OR56A1: variants seen among roughly 807,000 people sequenced by gnomAD.
OR56A1 encodes olfactory receptor family 56 subfamily A member 1, also known as olfactory receptor 56A1.
For missense variants in OR56A1, 360 were observed against 380.9 expected (o/e 0.94, Z 0.46); for synonymous variants, 174 against 159.1 (o/e 1.09, Z -0.70).
chr11:6,034,273 C>A (rs568427693), upstream of OR56A1: 2 of 152,392 alleles, frequency 1.3e-5, no homozygotes, highest in African/African-American at 4.8e-5. Context: ...TCCCTTGGCC[C>A]TGGGACTTAC....
rs1848434982 is a variant in OR56A1 at position 6,025,196 on chromosome 11, T to C, written c.*1552A>G. 1 of 152,178 alleles carries C rather than the reference T, an allele frequency of 6.6e-6. No homozygotes were observed. Among genetic ancestry groups the C allele is most frequent in the Non-Finnish European group, 1.5e-5 (1 of 68,056 alleles). 9.4% of individuals were successfully genotyped at this position (152,178 alleles called of 1,614,324 possible). Reference sequence around the variant, plus strand: ...AGGAACAGTGCACTGCAGGGTGATGTTATAGGTGCTCCTCAGTAGTCACAA... The same window carrying C: ...AGGAACAGTGCACTGCAGGGTGATGCTATAGGTGCTCCTCAGTAGTCACAA... On this transcript the variant is annotated 3_prime_UTR_variant, in exon 2 of 2. Transcript: ENST00000641900.
At position 6,023,359 on chromosome 11, in the gene OR56A1, A is replaced by T. The variant is rs1157718356; in HGVS notation, c.*3389T>A. On this transcript the variant is annotated 3_prime_UTR_variant, in exon 2 of 2. Coordinates refer to ENST00000641900, the MANE Select transcript of OR56A1 (RefSeq NM_001388488.1). ...CTAAAAAGCTTTCTGTGATAAATGG[A>T]AAGTGTAGTATTGTTCCCTCAACAA... 1.3e-5 allele frequency: 2 copies of T among 152,190 alleles called. No individual in the cohort carries two copies. The highest frequency in any genetic ancestry group is 4.8e-5 in the African/African-American group (2 of 41,456). The allele number at this position is 152,190 out of a possible 1,614,324, so 9.4% of individuals were successfully genotyped here.
chr11:6,019,756 C>T lies in OR56A1; in HGVS notation c.*6992G>A, dbSNP rs2133592666. On this transcript the variant is annotated 3_prime_UTR_variant, in exon 2 of 2. Transcript: ENST00000641900. Reference sequence around the variant, plus strand: ...ATAACTAAGATACTAAACCTGACTTCTAAACTTAAAATTCAAGTTCTCATT... The same window carrying T: ...ATAACTAAGATACTAAACCTGACTTTTAAACTTAAAATTCAAGTTCTCATT... 6.6e-6 allele frequency: 1 copy of T among 152,216 alleles called. No individual in the cohort carries two copies. Among genetic ancestry groups the T allele is most frequent in the South Asian group, 2.1e-4 (1 of 4,808 alleles). 9.4% of individuals were successfully genotyped at this position (152,216 alleles called of 1,614,324 possible).
chr11:6,030,415 A>T (rs4758372), intron 1 of OR56A1, among the ~76,000 whole-genome samples: 149,839 of 152,144 alleles, frequency 0.98, 73,819 homozygotes, highest in East Asian at 1. Flanking sequence ...TCACTATATA[A>T]ACAGGGTATA....
chr11:6,033,562 A>T (rs1041296409), upstream of OR56A1, among the ~76,000 whole-genome samples: 1 of 151,614 alleles, frequency 6.6e-6, no homozygotes, highest in Non-Finnish European at 1.5e-5. Context: ...AATACAGGGC[A>T]CTATGCATTA....
In OR56A1 at chr11:6,025,843, T is replaced by C. The variant is rs1046414306; in HGVS notation, c.*905A>G. ...CTCCAATACCCACTTAAACAATTGTTTACATTAAATTATCTGTAAATAACC... is the reference window on the plus strand; with the variant it reads ...CTCCAATACCCACTTAAACAATTGTCTACATTAAATTATCTGTAAATAACC... On this transcript the variant is annotated 3_prime_UTR_variant, in exon 2 of 2. Transcript: ENST00000641900. The C allele has an allele frequency of 6.6e-6, 1 of 152,232 alleles. No individual in the cohort carries two copies. Among genetic ancestry groups the C allele is most frequent in the Non-Finnish European group, 1.5e-5 (1 of 68,048 alleles). 9.4% of individuals were successfully genotyped at this position (152,232 alleles called of 1,614,324 possible). A position where few individuals can be genotyped will look rare whatever the true frequency, so the allele number is the denominator to read the frequency against.
In OR56A1 at chr11:6,026,503, G is replaced by T; in HGVS notation, c.*245C>A. ...GTAACAATGCCTGCAGAGATGTGTT[G>T]AAGATTAAATTACTTAAATGTAACT... On this transcript the variant is annotated 3_prime_UTR_variant, in exon 2 of 2. Transcript: ENST00000641900. 1 of 459,454 alleles carries T rather than the reference G, an allele frequency of 2.2e-6. No homozygotes were observed. Among genetic ancestry groups the T allele is most frequent in the Non-Finnish European group, 3.8e-6 (1 of 260,450 alleles). 28.5% of individuals were successfully genotyped at this position (459,454 alleles called of 1,614,324 possible). A position where few individuals can be genotyped will look rare whatever the true frequency, so the allele number is the denominator to read the frequency against.
At position 6,024,958 on chromosome 11, in the gene OR56A1, G is replaced by A. The variant is rs1397631073; in HGVS notation, c.*1790C>T. The stretch of plus-strand genomic sequence containing the variant: ...ATAATTTTTCTTTCCTACTGTTGTT[G>A]AGTGACTGGAAGAAACTCTCCTCCT... On this transcript the variant is annotated 3_prime_UTR_variant, in exon 2 of 2. Transcript: ENST00000641900. 1 of 152,082 alleles carries A rather than the reference G, an allele frequency of 6.6e-6. No homozygotes were observed. The highest frequency in any genetic ancestry group is 2.4e-5 in the African/African-American group (1 of 41,394). 9.4% of individuals were successfully genotyped at this position (152,082 alleles called of 1,614,324 possible).
Position 6,020,398 on chromosome 11 carries a change from G to A in OR56A1, c.*6350C>T, listed in dbSNP as rs1848383375. On this transcript the variant is annotated 3_prime_UTR_variant, in exon 2 of 2. Transcript: ENST00000641900. ...CATTGAATCTGTAAATTGCTTTTGG[G>A]CAGTGTAGTGATTTTAATGGTACTG... The A allele has an allele frequency of 6.6e-6, 1 of 152,146 alleles. No homozygotes were observed. Among genetic ancestry groups the A allele is most frequent in the East Asian group, 1.9e-4 (1 of 5,184 alleles). The allele number at this position is 152,146 out of a possible 1,614,324, so 9.4% of individuals were successfully genotyped here.
rs949938438 is a variant in OR56A1, at chr11:6,030,384, T to C, written c.-35+318A>G. On this transcript the variant is annotated intron_variant, in intron 1 of 1. Transcript: ENST00000641900. ...CATAAGTTCATGAGGGAAGAAACCATGTGTGGTTTTTCTTTTATCATCACT... is the reference window on the plus strand; with the variant it reads ...CATAAGTTCATGAGGGAAGAAACCACGTGTGGTTTTTCTTTTATCATCACT... 1.4e-4 allele frequency among the ~76,000 whole-genome samples: 16 copies of C among 115,228 alleles called. No homozygotes were observed. In the East Asian group the frequency reaches 2.7e-3, roughly 20 times the overall value. The allele number at this position is 115,228 out of a possible 152,430, so 75.6% of individuals were successfully genotyped here.
rs1028282740 is a variant in OR56A1, at chr11:6,022,553, A to G, written c.*4195T>C. 1.3e-5 allele frequency: 2 copies of G among 152,186 alleles called. No homozygotes were observed. The highest frequency in any genetic ancestry group is 4.8e-5 in the African/African-American group (2 of 41,440). The allele number at this position is 152,186 out of a possible 1,614,324, so 9.4% of individuals were successfully genotyped here. Reference sequence around the variant, plus strand: ...GTATGAAAAACTTAGGAAACTACAAAGCTATCCAGTGAAAGATTAAAAATA... The same window carrying G: ...GTATGAAAAACTTAGGAAACTACAAGGCTATCCAGTGAAAGATTAAAAATA... On this transcript the variant is annotated 3_prime_UTR_variant, in exon 2 of 2. Coordinates refer to ENST00000641900, the MANE Select transcript of OR56A1 (RefSeq NM_001388488.1).
Position 6,027,544 on chromosome 11 carries a change from A to G in OR56A1, c.149T>C (p.Ile50Thr). 6.2e-7 allele frequency: 1 copy of G among 1,614,006 alleles called. No individual in the cohort carries two copies. The highest frequency in any genetic ancestry group is 1.7e-5 in the Admixed American group (1 of 60,018). ...LAMGANTTLL[I>T]TIQLEASLHQ... is the part of the protein sequence containing the mutation. ...CAGAGAGGCCTCCAGCTGGATGGTGATCAGGAGGGTGGTGTTAGCTCCCAT... is the reference window on the plus strand; with the variant it reads ...CAGAGAGGCCTCCAGCTGGATGGTGGTCAGGAGGGTGGTGTTAGCTCCCAT... Residue 50 changes from isoleucine to threonine, a missense_variant, in exon 2 of 2, where the codon ATC becomes ACC. By Grantham distance (89) the Ile-to-Thr change is moderately conservative. Transcript: ENST00000641900.
rs1017978968 is a variant in OR56A1 at position 6,026,343 on chromosome 11, G to A, written c.*405C>T. 6.2e-6 allele frequency: 1 copy of A among 160,264 alleles called. No individual in the cohort carries two copies. The highest frequency in any genetic ancestry group is 1.4e-5 in the Non-Finnish European group (1 of 73,856). The allele number at this position is 160,264 out of a possible 1,614,324, so 9.9% of individuals were successfully genotyped here. On this transcript the variant is annotated 3_prime_UTR_variant, in exon 2 of 2. Transcript: ENST00000641900. ...AAAGGAAAGCAAAGGCTGGTCTTGA[G>A]CTTCAATTGCAATTGATGAGGCATT...
At position 6,026,983 on chromosome 11, in the gene OR56A1, G is replaced by A. The variant is rs750270064; in HGVS notation, c.710C>T (p.Ala237Val). The stretch of plus-strand genomic sequence containing the variant: ...GCCACATGTGCTCAGGGCCTTCACT[G>A]CCGCCCCCTCTGCTTTGAATCTAAG... ...AVLRFKAEGA[A>V]VKALSTCGSH... Residue 237 changes from alanine (A) to valine (V), a missense_variant, in exon 2 of 2, where the codon GCA (alanine) becomes GTA (valine). Ala to Val is a moderately conservative substitution (Grantham distance 64, BLOSUM62 0). Coordinates refer to ENST00000641900, the MANE Select transcript of OR56A1 (RefSeq NM_001388488.1). 121 of 1,613,868 alleles carry A rather than the reference G, an allele frequency of 7.5e-5. No individual in the cohort carries two copies. The highest frequency in any genetic ancestry group is 9.2e-5 in the Non-Finnish European group (109 of 1,179,874).
intron 1 of OR56A1, among the ~76,000 whole-genome samples, chr11:6,029,005 C>A (rs1406425923): frequency 6.6e-6 from 1 of 151,992 alleles, no homozygotes; most frequent in Non-Finnish European, 1.5e-5. Context: ...GAACTGGAGG[C>A]CATTATCTTA....
Position 6,027,683 on chromosome 11 carries a change from G to C in OR56A1, c.10C>G (p.Pro4Ala). 6.3e-7 allele frequency: 1 copy of C among 1,590,558 alleles called. No individual in the cohort carries two copies. The highest frequency in any genetic ancestry group is 8.6e-7 in the Non-Finnish European group (1 of 1,168,980). Residue 4 changes from proline (P) to alanine (A), a missense_variant, in exon 2 of 2, where the codon CCC becomes GCC. Transcript: ENST00000641900. Reference sequence around the variant, plus strand: ...ACTGGGACAGTGGAGCTGTTGCTGGGTGACGCCATAGGCTGAATCATGAGC... The same window carrying C: ...ACTGGGACAGTGGAGCTGTTGCTGGCTGACGCCATAGGCTGAATCATGAGC... The part of the protein sequence containing the change: MAS[P>A]SNSSTVPVSE...
intron 1 of OR56A1, among the ~76,000 whole-genome samples, chr11:6,028,042 A>G (rs1389860665): frequency 6.6e-6 from 1 of 152,176 alleles, no homozygotes; most frequent in Non-Finnish European, 1.5e-5. Context: ...AAGAAAAGCA[A>G]TGGTAGATGA....
Position 6,020,029 on chromosome 11 carries a change from G to C in OR56A1, c.*6719C>G, listed in dbSNP as rs1387207134. The C allele has an allele frequency of 6.6e-6, 1 of 152,038 alleles. No homozygotes were observed. Among genetic ancestry groups the C allele is most frequent in the Non-Finnish European group, 1.5e-5 (1 of 67,968 alleles). 9.4% of individuals were successfully genotyped at this position (152,038 alleles called of 1,614,324 possible). On this transcript the variant is annotated 3_prime_UTR_variant, in exon 2 of 2. Coordinates refer to ENST00000641900, the MANE Select transcript of OR56A1 (RefSeq NM_001388488.1). ...CATCCTGGTAAATGTAAGAGCTCTA[G>C]TGACTTTTTCAGAAAATGTATCAAG... is the stretch of plus-strand genomic sequence containing the variant.
In OR56A1 at chr11:6,027,636, G is replaced by A; in HGVS notation, c.57C>T (p.Cys19=). 1 of 1,612,176 alleles carries A rather than the reference G, an allele frequency of 6.2e-7. No homozygotes were observed. The highest frequency in any genetic ancestry group is 8.5e-7 in the Non-Finnish European group (1 of 1,179,118). ...TVPVSEFLLI[C]FPNFQSWQHW... ...GCTGCCAACTCTGGAAGTTGGGGAA[G>A]CAGATGAGGAGGAATTCAGAGACTG... Residue 19 remains cysteine (C), a synonymous_variant, in exon 2 of 2, where the codon TGC becomes TGT. Coordinates refer to ENST00000641900, the MANE Select transcript of OR56A1 (RefSeq NM_001388488.1).
Sources: gnomAD v4.1 joint callset for allele counts (sites outside exome capture counted in the v4.1 genomes callset) on GRCh38, gnomAD v4.1.1 for gene constraint, MANE v1.5 for transcripts, NCBI Gene and HGNC (gene_info 2026-07-23, HGNC 2026-07-21) for gene names.